The following CUBN variants were observed in gnomAD, a reference collection of about 807,000 sequenced individuals.
CUBN encodes 460 kDa receptor.
In CUBN, 282 loss-of-function variants were observed where a neutral mutation model predicts 405.3. The observed-to-expected ratio is 0.70, with a 90% confidence interval of 0.63 to 0.77. The LOEUF (loss-of-function observed/expected upper bound fraction) is 0.77, where lower values mean the gene tolerates loss of function less well. CUBN is among the 30% of genes least tolerant of loss of function. CUBN has a pLI of 0.00. For missense variants in CUBN, 4,514 were observed against 4,475.2 expected (o/e 1.01, Z -0.25); for synonymous variants, 1,684 against 1,617.0 (o/e 1.04, Z -0.99).
chr10:16,936,232 T>C (rs974226366), intron 39 of CUBN, among the ~76,000 whole-genome samples: 26 of 152,190 alleles, frequency 1.7e-4, no homozygotes, highest in African/African-American at 6.3e-4. Flanking sequence ...TTTTCTACCT[T>C]GAGGGTTGTA....
chr10:16,974,156 C>T (rs1833021383), intron 31 of CUBN, among the ~76,000 whole-genome samples: 1 of 152,132 alleles, frequency 6.6e-6, no homozygotes, highest in African/African-American at 2.4e-5. Flanking sequence ...ATAAATCTGA[C>T]CTAGGTCCTC....
intron 14 of CUBN, among the ~76,000 whole-genome samples, chr10:17,091,500 T>A (rs1398354542): frequency 2.6e-5 from 4 of 152,124 alleles, no homozygotes; most frequent in Admixed American, 1.3e-4. Flanking sequence ...GTAACTTCTA[T>A]TCCATTAAAG....
At chr10:17,018,628 C>A (rs779509634) in intron 28 of CUBN, among the ~76,000 whole-genome samples, 87 of 152,300 alleles carry the variant, frequency 5.7e-4, no homozygotes, top group Non-Finnish European at 1.1e-3. Flanking sequence ...TGGGTTGCCG[C>A]TGCTGGCTAG....
At chr10:17,127,447 T>C (rs1837225947) in intron 3 of CUBN, among the ~76,000 whole-genome samples, 1 of 146,070 alleles carries the variant, frequency 6.8e-6, no homozygotes, top group African/African-American at 2.5e-5. Flanking sequence ...TTTTTTTTTT[T>C]TTTTTTTGGT....
intron 38 of CUBN, 46 bp downstream of exon 38, chr10:16,938,917 G>A: frequency 8.1e-6 from 12 of 1,487,894 alleles, no homozygotes; most frequent in South Asian, 2.3e-5. Flanking sequence ...TTTACCAATA[G>A]CAATTCACCA....
chr10:16,989,191 A>G (rs1239927117), intron 29 of CUBN, among the ~76,000 whole-genome samples: 1 of 152,130 alleles, frequency 6.6e-6, no homozygotes, highest in Non-Finnish European at 1.5e-5. Context: ...AGCTGAGGTC[A>G]CAGGATTTTT....
intron 59 of CUBN, among the ~76,000 whole-genome samples, chr10:16,851,961 AATCTTTCCCTCCCTCCCTCT>A (rs1564386032): frequency 6.5e-5 from 1 of 15,416 alleles, no homozygotes; most frequent in Admixed American, 8.7e-4. Flanking sequence ...TCCCTCCCTC[AATCTTTCCCTCCCTCCCTCT>A]ATCTTTCCCT....
intron 15 of CUBN, 38 bp from the exon 16 acceptor site, chr10:17,085,797 C>T: frequency 6.3e-7 from 1 of 1,592,454 alleles, no homozygotes; most frequent in African/African-American, 1.3e-5. Context: ...TCAAAGTGGT[C>T]AGATTTTTAA....
intron 59 of CUBN, among the ~76,000 whole-genome samples, chr10:16,869,430 G>C (rs1340774844): frequency 6.6e-6 from 1 of 151,748 alleles, no homozygotes; most frequent in Non-Finnish European, 1.5e-5. Context: ...CTCCCAAAGT[G>C]CTGGGTACAT....
intron 60 of CUBN, among the ~76,000 whole-genome samples, chr10:16,843,128 CTCTG>C (rs1274567698): frequency 3.3e-5 from 5 of 152,218 alleles, no homozygotes; most frequent in Admixed American, 6.5e-5. Context: ...GAGACAGAGA[CTCTG>C]TCTGACTTCT....
chr10:17,127,376 C>G (rs191159149), intron 3 of CUBN, among the ~76,000 whole-genome samples: 2 of 151,120 alleles, frequency 1.3e-5, no homozygotes, highest in African/African-American at 4.9e-5. Flanking sequence ...AGCCATCCTC[C>G]CACTTCAGCC....
intron 28 of CUBN, among the ~76,000 whole-genome samples, chr10:17,018,125 C>T (rs946035997): frequency 9.9e-5 from 15 of 152,248 alleles, no homozygotes; most frequent in Non-Finnish European, 1.8e-4. Context: ...GAGCCGTTTC[C>T]CAGAAAGCCT....
intron 28 of CUBN, among the ~76,000 whole-genome samples, chr10:17,016,255 T>C (rs1834325669): frequency 6.6e-6 from 1 of 152,100 alleles, no homozygotes; most frequent in Non-Finnish European, 1.5e-5. Flanking sequence ...TAATTCTCCT[T>C]AGTCCTTCTA....
chr10:17,018,050 G>A (rs1404855300), intron 28 of CUBN, among the ~76,000 whole-genome samples: 1 of 151,676 alleles, frequency 6.6e-6, no homozygotes, highest in Non-Finnish European at 1.5e-5. Flanking sequence ...AGAAGTACAG[G>A]AAAAGCGGAA....
chr10:16,973,849 C>T (rs1297508994), intron 31 of CUBN, among the ~76,000 whole-genome samples: 1 of 152,148 alleles, frequency 6.6e-6, no homozygotes, highest in Non-Finnish European at 1.5e-5. Flanking sequence ...GTGTCACATT[C>T]CCTGGTGTAT....
chr10:17,129,734 C>G lies in CUBN; in HGVS notation c.32G>C (p.Ser11Thr), dbSNP rs777760455. 1.2e-6 allele frequency: 2 copies of G among 1,613,992 alleles called. No individual in the cohort carries two copies. The highest frequency in any genetic ancestry group is 2.7e-5 in the African/African-American group (2 of 74,906). The change falls in exon 1 of 67, where the codon AGT (serine) becomes ACT (threonine). Residue 11 changes from serine to threonine, a missense_variant. Coordinates refer to ENST00000377833, the MANE Select transcript of CUBN (RefSeq NM_001081.4). ...AGCAAATATTAATAAGGTAAGCAAA[C>G]TCCAAAGAAAAGGTAAAGACATGTT... MMNMSLPFLW[S>T]LLTLLIFAEV...
chr10:16,969,299 C>T (rs1828624), intron 31 of CUBN, among the ~76,000 whole-genome samples: 4,020 of 151,804 alleles, frequency 0.026, 159 homozygotes, highest in East Asian at 0.18. Context: ...GGTGCTTTGG[C>T]GATATAAAGA....
In CUBN at chr10:16,947,402, C is replaced by A. The variant is rs757617874; in HGVS notation, c.5210-35G>T. ...AATAGAAATAAAGTGAGTATCAGAG[C>A]AAAGACTGCATCAGACACTATAAAA... On this transcript the variant is annotated intron_variant, in intron 35 of 66. Coordinates refer to ENST00000377833, the MANE Select transcript of CUBN (RefSeq NM_001081.4). The A allele has an allele frequency of 7.4e-6, 12 of 1,611,714 alleles. No homozygotes were observed. The Admixed American group carries it at 2.0e-4, about 27-fold the overall frequency.
At chr10:16,865,632 T>A (rs1486519183) in intron 59 of CUBN, among the ~76,000 whole-genome samples, 1 of 151,958 alleles carries the variant, frequency 6.6e-6, no homozygotes, top group African/African-American at 2.4e-5. Flanking sequence ...AATGCACCAA[T>A]CAACGCTCTG....
Sources: allele counts gnomAD v4.1 joint callset (sites outside exome capture counted in the v4.1 genomes callset), GRCh38; gene constraint gnomAD v4.1.1; transcripts MANE v1.5; gene names NCBI Gene and HGNC (gene_info 2026-07-23, HGNC 2026-07-21).